Variants in ABRAXAS1 observed in about 807,000 individuals in gnomAD.
ABRAXAS1 encodes BRCA1-A complex subunit Abraxas 1.
ABRAXAS1 carries 26 observed loss-of-function variants against 38.4 expected under a neutral mutation model. The ratio of observed to expected loss-of-function variants is 0.68; its 90% CI spans 0.50 to 0.94. The LOEUF (loss-of-function observed/expected upper bound fraction) is 0.94, where lower values mean the gene tolerates loss of function less well. Ranked by LOEUF, ABRAXAS1 falls within the 40% of genes least tolerant of loss-of-function variation. The pLI is 0.00. For missense variants in ABRAXAS1, 438 were observed against 481.9 expected (o/e 0.91, Z 0.85); for synonymous variants, 144 against 165.5 (o/e 0.87, Z 1.00).
rs35608460 is a variant in ABRAXAS1, at chr4:83,482,338, A to AG, written c.88-95_88-94insC. On this transcript the variant is annotated intron_variant, in intron 1 of 8. Transcript: ENST00000321945. ...TCCTGAGTATTTTACTATGTATACA[A>AG]TATGTGCTACCAGTCGGGGGCACAT... The AG allele has an allele frequency of 0.55, 397,518 of 726,928 alleles. 112,087 individuals are homozygous for AG. The highest frequency in any genetic ancestry group is 0.78 in the African/African-American group (43,661 of 55,934). The allele number at this position is 726,928 out of a possible 1,614,324, so 45.0% of individuals were successfully genotyped here.
rs752868005 is a variant in ABRAXAS1 at position 83,467,548 on chromosome 4, A to T, written c.597-10T>A. On this transcript the variant is annotated splice_polypyrimidine_tract_variant and intron_variant, in intron 6 of 8. Coordinates refer to ENST00000321945, the MANE Select transcript of ABRAXAS1 (RefSeq NM_139076.3). Reference sequence around the variant, plus strand: ...TTCAAAAAATTTAGAGCTGTAAAAAATTACCATTTCCTCAGGCAAATACAC... The same window carrying T: ...TTCAAAAAATTTAGAGCTGTAAAAATTTACCATTTCCTCAGGCAAATACAC... 2 of 1,405,144 alleles carry T rather than the reference A, an allele frequency of 1.4e-6. No individual in the cohort carries two copies. The highest frequency in any genetic ancestry group is 2.8e-5 in the African/African-American group (2 of 70,560). 87.0% of individuals were successfully genotyped at this position (1,405,144 alleles called of 1,614,324 possible). A position where few individuals can be genotyped will look rare whatever the true frequency, so the allele number is the denominator to read the frequency against.
Position 83,460,720 on chromosome 4 carries a change from A to AT in ABRAXAS1, c.*1748dup. ...GGAGTTCAGGACCAGCCTGGCCAAT[A>AT]TGGTGAAACCCCGTTTCTACTACAA... On this transcript the variant is annotated 3_prime_UTR_variant, in exon 9 of 9. Coordinates refer to ENST00000321945, the MANE Select transcript of ABRAXAS1 (RefSeq NM_139076.3). 1 of 396,956 alleles carries AT rather than the reference A, an allele frequency of 2.5e-6. No individual in the cohort carries two copies. The highest frequency in any genetic ancestry group is 4.6e-6 in the Non-Finnish European group (1 of 215,744). 24.6% of individuals were successfully genotyped at this position (396,956 alleles called of 1,614,324 possible). A position where few individuals can be genotyped will look rare whatever the true frequency, so the allele number is the denominator to read the frequency against.
chr4:83,470,184 G>A lies in ABRAXAS1; in HGVS notation c.476+19C>T, dbSNP rs760481142. ...TTTTTCTATTAGTTTAATACAGCCA[G>A]TGACTGGCCAACATTTACCCTTTTT... On this transcript the variant is annotated intron_variant, in intron 5 of 8. Coordinates refer to ENST00000321945, the MANE Select transcript of ABRAXAS1 (RefSeq NM_139076.3). 1.3e-6 allele frequency: 2 copies of A among 1,588,382 alleles called. No individual in the cohort carries two copies. The highest frequency in any genetic ancestry group is 1.8e-5 in the Admixed American group (1 of 56,668).
At chr4:83,477,880 C>T in intron 2 of ABRAXAS1, 1 of 744,680 alleles carries the variant, frequency 1.3e-6, no homozygotes, top group South Asian at 1.3e-5. Flanking sequence ...TTTTAATCAA[C>T]ATGATCTGTG....
intron 2 of ABRAXAS1, 101 bp from the exon 3 acceptor site, chr4:83,476,780 CACT>C: frequency 1.5e-6 from 1 of 688,944 alleles, no homozygotes; most frequent in Non-Finnish European, 2.6e-6. Context: ...AGTACTTTAC[CACT>C]GATTATCTGA....
chr4:83,482,240 C>G lies in ABRAXAS1; in HGVS notation c.92G>C (p.Gly31Ala), dbSNP rs756325320. The G allele has an allele frequency of 1.2e-6, 2 of 1,601,458 alleles. No homozygotes were observed. The highest frequency in any genetic ancestry group is 2.2e-5 in the South Asian group (2 of 89,966). Residue 31 changes from glycine (G) to alanine (A), a missense_variant, in exon 2 of 9, where the codon GGT becomes GCT. This residue lies in a region of ABRAXAS1 where 194 missense variants were observed against 269.0 expected (regional missense o/e 0.72). Coordinates refer to ENST00000321945, the MANE Select transcript of ABRAXAS1 (RefSeq NM_139076.3). ...ACCTTTTACTTCCCCAAGAAGAAAA[C>G]CTTCCTATGAAGATAAAGAGGCAAT... Reference protein sequence around the residue: ...QHLNTDSDTEGFLLGEVKGEA... With the variant: ...QHLNTDSDTEAFLLGEVKGEA...
rs1722530567 is a variant in ABRAXAS1, at chr4:83,470,265, A to C, written c.414T>G (p.Ser138Arg). ...QDLVFLLLTPSIITESCSTHR... is the reference protein window; with the variant it reads ...QDLVFLLLTPRIITESCSTHR... Reference sequence around the variant, plus strand: ...GAGTAGAGCAGCTTTCTGTTATTATACTTGGTGTTAATAGCAGAAAAACAA... The same window carrying C: ...GAGTAGAGCAGCTTTCTGTTATTATCCTTGGTGTTAATAGCAGAAAAACAA... Residue 138 changes from serine to arginine, a missense_variant, in exon 5 of 9, where the codon AGT becomes AGG. By Grantham distance (110) the Ser-to-Arg change is moderately radical. This residue lies in a region of ABRAXAS1 where 194 missense variants were observed against 269.0 expected (regional missense o/e 0.72). Coordinates refer to ENST00000321945, the MANE Select transcript of ABRAXAS1 (RefSeq NM_139076.3). 3 of 1,613,782 alleles carry C rather than the reference A, an allele frequency of 1.9e-6. No homozygotes were observed. Among genetic ancestry groups the C allele is most frequent in the Non-Finnish European group, 2.5e-6 (3 of 1,179,754 alleles).
intron 1 of ABRAXAS1, among the ~76,000 whole-genome samples, chr4:83,483,412 C>G (rs1373423011): frequency 1.3e-5 from 2 of 151,812 alleles, no homozygotes; most frequent in Non-Finnish European, 2.9e-5. Flanking sequence ...TTCCAAGTAG[C>G]TGGGTCTACA....
In ABRAXAS1 at chr4:83,462,192, C is replaced by A; in HGVS notation, c.*277G>T. 2 of 377,764 alleles carry A rather than the reference C, an allele frequency of 5.3e-6. No individual in the cohort carries two copies. Among genetic ancestry groups the A allele is most frequent in the Non-Finnish European group, 9.5e-6 (2 of 209,712 alleles). The allele number at this position is 377,764 out of a possible 1,614,324, so 23.4% of individuals were successfully genotyped here. ...ACAGGTGTGAGCCACTGTGCCTGGT[C>A]TCACTTTTCCAATTCTAAAGAATGT... On this transcript the variant is annotated 3_prime_UTR_variant, in exon 9 of 9. Coordinates refer to ENST00000321945, the MANE Select transcript of ABRAXAS1 (RefSeq NM_139076.3).
chr4:83,483,243 A>T (rs13124479), intron 1 of ABRAXAS1, among the ~76,000 whole-genome samples: 1 of 151,670 alleles, frequency 6.6e-6, no homozygotes, highest in Admixed American at 6.6e-5. Flanking sequence ...GCACACTTAA[A>T]GACCCAATGT....
At chr4:83,484,321 G>T (rs1723100475) in intron 1 of ABRAXAS1, among the ~76,000 whole-genome samples, 1 of 152,236 alleles carries the variant, frequency 6.6e-6, no homozygotes, top group South Asian at 2.1e-4. Flanking sequence ...GCAAGTTACT[G>T]AAAGTGCTAC....
chr4:83,469,949 A>G (rs780278649), intron 5 of ABRAXAS1: 8 of 314,772 alleles, frequency 2.5e-5, no homozygotes, highest in Non-Finnish European at 4.6e-5. Context: ...GTTTTTTTCC[A>G]CCTTAAGTAG....
At chr4:83,463,686 TA>T in intron 7 of ABRAXAS1, 78 bp from the exon 8 acceptor site, 1 of 728,950 alleles carries the variant, frequency 1.4e-6, no homozygotes. Flanking sequence ...ACAAATAATA[TA>T]AAATCATTGG....
In ABRAXAS1 at chr4:83,469,098, A is replaced by G. The variant is rs1219719981; in HGVS notation, c.530T>C (p.Leu177Pro). Reference protein sequence around the residue: ...VVANLGMSEQLGYKTVSGSCM... With the variant: ...VVANLGMSEQPGYKTVSGSCM... ...GGAACCTGATACAGTTTTATAACCCAGTTGTTCAGACATGCCCAGATTGGC... is the reference window on the plus strand; with the variant it reads ...GGAACCTGATACAGTTTTATAACCCGGTTGTTCAGACATGCCCAGATTGGC... The change falls in exon 6 of 9, where the codon CTG (leucine) becomes CCG (proline). Residue 177 changes from leucine to proline, a missense_variant. Around this residue, in one of 3 missense-constraint regions of ABRAXAS1, gnomAD observed 194 missense variants for 269.0 expected, o/e 0.72. Coordinates refer to ENST00000321945, the MANE Select transcript of ABRAXAS1 (RefSeq NM_139076.3). The G allele has an allele frequency of 6.2e-7, 1 of 1,614,030 alleles. No individual in the cohort carries two copies. The highest frequency in any genetic ancestry group is 8.5e-7 in the Non-Finnish European group (1 of 1,179,946).
At chr4:83,475,267 A>C (rs941145672) in intron 3 of ABRAXAS1, among the ~76,000 whole-genome samples, 1 of 152,208 alleles carries the variant, frequency 6.6e-6, no homozygotes, top group African/African-American at 2.4e-5. Flanking sequence ...TCCATTACAC[A>C]TAAGGCAGTA....
At chr4:83,466,004 C>T (rs12499395) in intron 7 of ABRAXAS1, among the ~76,000 whole-genome samples, 54,598 of 151,998 alleles carry the variant, frequency 0.36, 11,400 homozygotes, top group East Asian at 0.67. Flanking sequence ...TTGGACCTAC[C>T]ACTGTGTTAA....
intron 7 of ABRAXAS1, among the ~76,000 whole-genome samples, chr4:83,465,937 T>C (rs1327721739): frequency 6.6e-6 from 1 of 152,216 alleles, no homozygotes; most frequent in African/African-American, 2.4e-5. Flanking sequence ...CATGGAAATA[T>C]ACTCCTTAGT....
chr4:83,470,120 C>A, intron 5 of ABRAXAS1, 83 bp downstream of exon 5: 1 of 1,022,738 alleles, frequency 9.8e-7, no homozygotes. Context: ...TATATGAGAA[C>A]ACTTTGTAAG....
At chr4:83,477,392 G>T in intron 2 of ABRAXAS1, 1 of 181,478 alleles carries the variant, frequency 5.5e-6, no homozygotes, top group Non-Finnish European at 1.1e-5. Context: ...TAAAACTCAA[G>T]TGTCCGAACC....
Sources: gnomAD v4.1 joint callset for allele counts (sites outside exome capture counted in the v4.1 genomes callset) on GRCh38, gnomAD v4.1.1 for gene constraint, gnomAD v4.1.1 regional missense constraint, MANE v1.5 for transcripts, NCBI Gene and HGNC (gene_info 2026-07-23, HGNC 2026-07-21) for gene names.